ADGRB3: variants seen among roughly 807,000 people sequenced by gnomAD.
The protein encoded by ADGRB3 is brain-specific angiogenesis inhibitor 3.
Under a neutral mutation model 193.4 loss-of-function variants are expected in ADGRB3, and 37 were observed. That is an observed-to-expected ratio of 0.19 (90% CI 0.15 to 0.25). The LOEUF is 0.25. ADGRB3 is among the 10% of genes least tolerant of loss of function. The probability of loss-of-function intolerance (pLI) is 1.00; values close to 1 mark genes in which losing one functional copy is unlikely to be tolerated. For synonymous variants in ADGRB3, 690 were observed against 644.2 expected, an observed-to-expected ratio of 1.07 and a Z score of -1.08; for missense variants, 1,637 against 1,852.9, an observed-to-expected ratio of 0.88 and a Z score of 2.14.
At chr6:68,904,109 G>C (rs539401739) in intron 3 of ADGRB3, among the ~76,000 whole-genome samples, 2 of 70,032 alleles carry the variant, frequency 2.9e-5, no homozygotes, top group Non-Finnish European at 7.7e-5. Flanking sequence ...AAGGAAGGAA[G>C]GAAGGGAGGG....
chr6:68,907,826 T>C (rs934742520), intron 3 of ADGRB3, among the ~76,000 whole-genome samples: 1 of 151,926 alleles, frequency 6.6e-6, no homozygotes, highest in African/African-American at 2.4e-5. Context: ...TGTCTTAATT[T>C]TCTAAAACAC....
At chr6:68,838,984 A>G (rs1437751969) in intron 3 of ADGRB3, among the ~76,000 whole-genome samples, 4 of 152,090 alleles carry the variant, frequency 2.6e-5, no homozygotes, top group Non-Finnish European at 5.9e-5. Flanking sequence ...ACACAAAAAG[A>G]AAAACTAAAC....
At chr6:69,341,969 A>G (rs775755492) in intron 26 of ADGRB3, among the ~76,000 whole-genome samples, 1 of 152,170 alleles carries the variant, frequency 6.6e-6, no homozygotes, top group Non-Finnish European at 1.5e-5. Context: ...TTAAGCTATC[A>G]TCAAAATATG....
At chr6:68,858,498 CA>C (rs11435140) in intron 3 of ADGRB3, among the ~76,000 whole-genome samples, 1,448 of 76,684 alleles carry the variant, frequency 0.019, 22 homozygotes, top group African/African-American at 0.066. Flanking sequence ...TGCAACACTC[CA>C]AAAAAAAAAA....
chr6:69,296,810 C>A (rs1033448162), intron 20 of ADGRB3, among the ~76,000 whole-genome samples: 2 of 152,040 alleles, frequency 1.3e-5, no homozygotes, highest in African/African-American at 4.8e-5. Flanking sequence ...AACCCAGTCT[C>A]CAAACTTGTC....
intron 13 of ADGRB3, among the ~76,000 whole-genome samples, chr6:69,030,847 C>A (rs1325978810): frequency 6.6e-6 from 1 of 151,948 alleles, no homozygotes; most frequent in East Asian, 1.9e-4. Flanking sequence ...CTCTTCTCTT[C>A]TCTTCTCTTC....
chr6:68,901,752 A>C (rs1448234941), intron 3 of ADGRB3, among the ~76,000 whole-genome samples: 1 of 152,210 alleles, frequency 6.6e-6, no homozygotes, highest in African/African-American at 2.4e-5. Context: ...CTTGTAAAAT[A>C]ATCTTAAACA....
At chr6:68,860,660 G>T (rs1452214941) in intron 3 of ADGRB3, among the ~76,000 whole-genome samples, 2 of 152,128 alleles carry the variant, frequency 1.3e-5, no homozygotes, top group African/African-American at 4.8e-5. Flanking sequence ...AGACACTTAG[G>T]TTGATTTCAT....
intron 21 of ADGRB3, among the ~76,000 whole-genome samples, chr6:69,326,843 G>C (rs566461510): frequency 6.6e-6 from 1 of 152,042 alleles, no homozygotes; most frequent in East Asian, 1.9e-4. Context: ...GGAGGAAAGG[G>C]AGGATAAGGA....
intron 3 of ADGRB3, among the ~76,000 whole-genome samples, chr6:68,928,002 T>G (rs1488214502): frequency 2.6e-5 from 4 of 152,154 alleles, no homozygotes; most frequent in Non-Finnish European, 5.9e-5. Context: ...CTAGTATTCA[T>G]ATAACATTGA....
At chr6:69,258,001 C>G (rs753007012) in intron 20 of ADGRB3, among the ~76,000 whole-genome samples, 2 of 152,036 alleles carry the variant, frequency 1.3e-5, no homozygotes, top group Non-Finnish European at 2.9e-5. Flanking sequence ...GTCTCATGTC[C>G]AGATATAAAG....
chr6:69,155,373 C>A (rs1774805901), intron 17 of ADGRB3, among the ~76,000 whole-genome samples: 1 of 152,058 alleles, frequency 6.6e-6, no homozygotes, highest in African/African-American at 2.4e-5. Flanking sequence ...TTTCATCTGA[C>A]AAACTAGAAA....
At chr6:68,879,317 C>T (rs62416395) in intron 3 of ADGRB3, among the ~76,000 whole-genome samples, 14,015 of 148,374 alleles carry the variant, frequency 0.094, 864 homozygotes, top group Non-Finnish European at 0.13. Flanking sequence ...CCCAGGTTCA[C>T]ACCATTCTGC....
chr6:68,815,654 A>C (rs1350367222), intron 3 of ADGRB3, among the ~76,000 whole-genome samples: 1 of 133,816 alleles, frequency 7.5e-6, no homozygotes, highest in Non-Finnish European at 1.6e-5. Flanking sequence ...TGTAGATCTC[A>C]TTTGATGTAA....
chr6:69,247,563 C>A (rs553983760), intron 20 of ADGRB3, among the ~76,000 whole-genome samples: 1 of 152,092 alleles, frequency 6.6e-6, no homozygotes, highest in Admixed American at 6.6e-5. Context: ...CTTATGAAAC[C>A]ATTTTAGCTC....
At chr6:68,891,434 T>C (rs1275255990) in intron 3 of ADGRB3, among the ~76,000 whole-genome samples, 1 of 152,186 alleles carries the variant, frequency 6.6e-6, no homozygotes, top group East Asian at 1.9e-4. Flanking sequence ...ACAATGCTGG[T>C]CTGGAATGAA....
At chr6:69,216,417 A>G (rs1311219825) in intron 17 of ADGRB3, among the ~76,000 whole-genome samples, 1 of 152,190 alleles carries the variant, frequency 6.6e-6, no homozygotes, top group Non-Finnish European at 1.5e-5. Flanking sequence ...AAAGTTACCT[A>G]CAGGCCCTGG....
intron 3 of ADGRB3, among the ~76,000 whole-genome samples, chr6:68,824,818 TTA>T (rs1372763398): frequency 1.3e-5 from 2 of 151,826 alleles, no homozygotes; most frequent in Non-Finnish European, 2.9e-5. Flanking sequence ...TTAAAAATAT[TTA>T]TGTTATAATG....
intron 3 of ADGRB3, among the ~76,000 whole-genome samples, chr6:68,680,709 G>A (rs1764878995): frequency 6.6e-6 from 1 of 152,108 alleles, no homozygotes; most frequent in African/African-American, 2.4e-5. Flanking sequence ...TTCTTCCTTT[G>A]AGGCATACAT....
Sources: allele counts gnomAD v4.1 joint callset (sites outside exome capture counted in the v4.1 genomes callset), GRCh38; gene constraint gnomAD v4.1.1; transcripts MANE v1.5; gene names NCBI Gene and HGNC (gene_info 2026-07-23, HGNC 2026-07-21).